SRGAP2C: variants seen among roughly 807,000 people sequenced by gnomAD.
The protein encoded by SRGAP2C is SLIT-ROBO Rho GTPase-activating protein 2C.
A neutral mutation model predicts 25.1 loss-of-function variants in SRGAP2C; 15 were observed. That is an observed-to-expected ratio of 0.60 (90% confidence interval 0.40 to 0.92). The LOEUF (loss-of-function observed/expected upper bound fraction) is 0.92. Among genes scored for constraint, SRGAP2C ranks in the 40% least tolerant of loss-of-function variants. The pLI is 0.00. For synonymous variants in SRGAP2C, 44 were observed against 96.6 expected (o/e 0.46, Z 3.19); for missense variants, 144 against 264.4 (o/e 0.54, Z 3.16).
intron 2 of SRGAP2C, among the ~76,000 whole-genome samples, chr1:121,242,049 TG>T (rs1656133751): frequency 7.6e-6 from 1 of 132,372 alleles, no homozygotes; most frequent in African/African-American, 2.8e-5. Context: ...TTCTTTTACA[TG>T]AAAGGTAAAT....
intron 3 of SRGAP2C, among the ~76,000 whole-genome samples, chr1:121,303,552 G>A (rs1657746582): frequency 6.6e-6 from 1 of 150,588 alleles, no homozygotes; most frequent in South Asian, 2.1e-4. Flanking sequence ...TGCTTTTAGT[G>A]GGAAATGGTA....
chr1:121,294,477 T>A (rs1657555214), intron 3 of SRGAP2C, among the ~76,000 whole-genome samples: 1 of 144,938 alleles, frequency 6.9e-6, no homozygotes, highest in Non-Finnish European at 1.5e-5. Context: ...TTTCTTTGGC[T>A]CCTTGAAGAG....
At chr1:121,372,677 T>C (rs1449230064) in intron 5 of SRGAP2C, among the ~76,000 whole-genome samples, 2 of 72,920 alleles carry the variant, frequency 2.7e-5, no homozygotes, top group Non-Finnish European at 5.3e-5. Context: ...ATTTACTCAT[T>C]GTATGACCTT....
intron 3 of SRGAP2C, among the ~76,000 whole-genome samples, chr1:121,285,277 GCTTAATCCCAACAACTC>G (rs1223604732): frequency 6.6e-6 from 1 of 150,732 alleles, no homozygotes; most frequent in Non-Finnish European, 1.5e-5. Context: ...ATGTTAGTTT[GCTTAATCCCAACAACTC>G]CATATGATGG....
chr1:121,352,958 C>T (rs1469973335), intron 4 of SRGAP2C, among the ~76,000 whole-genome samples: 8 of 148,120 alleles, frequency 5.4e-5, no homozygotes, highest in Admixed American at 1.3e-4. Flanking sequence ...GGCATAGTGG[C>T]GGGCACCTGT....
intron 3 of SRGAP2C, among the ~76,000 whole-genome samples, chr1:121,315,595 A>G (rs1247346856): frequency 1.3e-5 from 2 of 151,502 alleles, no homozygotes; most frequent in East Asian, 2.0e-4. Context: ...AACATGGTTA[A>G]TAATATGCTG....
In SRGAP2C at chr1:121,186,389, C is replaced by A. The variant is rs587660468; in HGVS notation, c.-542-516C>A. 8.6e-5 allele frequency among the ~76,000 whole-genome samples: 6 copies of A among 69,858 alleles called. 1 individual carries two copies. The highest frequency in any genetic ancestry group is 1.2e-3 in the East Asian group (2 of 1,730). 45.8% of individuals were successfully genotyped at this position (69,858 alleles called of 152,430 possible). A position where few individuals can be genotyped will look rare whatever the true frequency, so the allele number is the denominator to read the frequency against. ...CTTTTTCCTGCAGATTTGCCCCCCC[C>A]ACCCCATCAACATTTTGCTGCCAAG... On this transcript the variant is annotated intron_variant, in intron 1 of 9. Transcript: ENST00000367123.
intron 3 of SRGAP2C, among the ~76,000 whole-genome samples, chr1:121,314,716 G>GT (rs1658055126): frequency 6.6e-6 from 1 of 151,194 alleles, no homozygotes; most frequent in African/African-American, 2.4e-5. Context: ...CTGCTGGGGG[G>GT]TGCCTCCCAG....
chr1:121,313,628 C>G (rs1187986269), intron 3 of SRGAP2C, among the ~76,000 whole-genome samples: 3 of 124,296 alleles, frequency 2.4e-5, no homozygotes, highest in African/African-American at 9.4e-5. Flanking sequence ...CTGGTGGTGA[C>G]AAAATCTCTC....
intron 2 of SRGAP2C, among the ~76,000 whole-genome samples, chr1:121,264,777 A>G (rs1553334029): frequency 1.4e-5 from 2 of 138,598 alleles, no homozygotes; most frequent in Non-Finnish European, 1.6e-5. Context: ...ATTACTTCTT[A>G]TGGTAGTCTG....
chr1:121,362,521 C>G (rs1217487672), intron 4 of SRGAP2C, among the ~76,000 whole-genome samples: 1 of 150,276 alleles, frequency 6.7e-6, no homozygotes, highest in African/African-American at 2.4e-5. Context: ...CCATCCCCCA[C>G]TCTGGGGCTA....
intron 3 of SRGAP2C, among the ~76,000 whole-genome samples, chr1:121,316,237 C>A (rs1272461182): frequency 1.1e-5 from 1 of 92,658 alleles, no homozygotes; most frequent in African/African-American, 4.8e-5. Context: ...GAGTTTCTGG[C>A]TGTAGATCAA....
At chr1:121,213,243 G>A (rs1357492847) in intron 2 of SRGAP2C, among the ~76,000 whole-genome samples, 6 of 148,106 alleles carry the variant, frequency 4.1e-5, no homozygotes, top group Non-Finnish European at 7.5e-5. Context: ...ACAGAGGTTC[G>A]CCATGTTGGG....
intron 3 of SRGAP2C, among the ~76,000 whole-genome samples, chr1:121,312,296 C>T (rs1657982683): frequency 1.9e-5 from 1 of 51,986 alleles, no homozygotes; most frequent in Non-Finnish European, 3.9e-5. Flanking sequence ...TTTATTGTGT[C>T]TGTTTGATTC....
intron 2 of SRGAP2C, among the ~76,000 whole-genome samples, chr1:121,230,790 G>A (rs1292415691): frequency 6.6e-5 from 10 of 151,994 alleles, no homozygotes; most frequent in African/African-American, 2.4e-4. Context: ...CAACCCAAAT[G>A]CCCATCAATG....
At chr1:121,290,957 C>T (rs1426751604) in intron 3 of SRGAP2C, among the ~76,000 whole-genome samples, 4 of 100,096 alleles carry the variant, frequency 4.0e-5, no homozygotes, top group East Asian at 2.6e-4. Context: ...AGAGTAGACC[C>T]CAAATGATAG....
chr1:121,233,093 G>T (rs1655858957), intron 2 of SRGAP2C, among the ~76,000 whole-genome samples: 1 of 126,694 alleles, frequency 7.9e-6, no homozygotes, highest in Non-Finnish European at 1.7e-5. Flanking sequence ...CGTGGACCTT[G>T]AGTAGCTGAG....
At chr1:121,289,031 A>T (rs1657435954) in intron 3 of SRGAP2C, among the ~76,000 whole-genome samples, 1 of 146,536 alleles carries the variant, frequency 6.8e-6, no homozygotes, top group Non-Finnish European at 1.5e-5. Context: ...TCAGGAGCCC[A>T]GTTGGCTTCA....
At chr1:121,346,923 T>C (rs1189559384) in intron 4 of SRGAP2C, among the ~76,000 whole-genome samples, 2 of 152,060 alleles carry the variant, frequency 1.3e-5, no homozygotes, top group African/African-American at 4.8e-5. Context: ...CCTCCTCAAA[T>C]GCATTTGACT....
Sources: allele counts gnomAD v4.1 joint callset (sites outside exome capture counted in the v4.1 genomes callset), GRCh38; gene constraint gnomAD v4.1.1; transcripts MANE v1.5; gene names NCBI Gene and HGNC (gene_info 2026-07-23, HGNC 2026-07-21).